The following CFAP20DC variants were observed in gnomAD, a reference collection of about 807,000 sequenced individuals.
The protein encoded by CFAP20DC is protein CFAP20DC.
CFAP20DC carries 84 observed loss-of-function variants against 101.7 expected under a neutral mutation model. The observed-to-expected ratio is 0.83, with a 90% CI of 0.69 to 0.99. The LOEUF (loss-of-function observed/expected upper bound fraction) is 0.99. Ranked by LOEUF, CFAP20DC falls within the 50% of genes least tolerant of loss-of-function variation. CFAP20DC has a pLI of 0.00. For missense variants in CFAP20DC, 1,007 were observed against 970.3 expected (o/e 1.04, Z -0.50); for synonymous variants, 359 against 351.2 (o/e 1.02, Z -0.25).
chr3:58,847,695 C>A (rs71311897), intron 13 of CFAP20DC, among the ~76,000 whole-genome samples: 5,947 of 145,660 alleles, frequency 0.041, 163 homozygotes, highest in Middle Eastern at 0.1. Context: ...ATAAATCATG[C>A]TGCTATAAAG....
chr3:58,727,039 G>T, intron 3 of CFAP20DC: 2 of 251,104 alleles, frequency 8.0e-6, no homozygotes, highest in South Asian at 7.2e-5. Flanking sequence ...CAGAAAAGAT[G>T]AGAAGGACCC....
chr3:58,821,484 G>T (rs1327187251), intron 14 of CFAP20DC, among the ~76,000 whole-genome samples: 3 of 151,910 alleles, frequency 2.0e-5, no homozygotes, highest in Non-Finnish European at 4.4e-5. Flanking sequence ...AGTGGGCAAA[G>T]GACATGAACA....
At chr3:58,737,008 T>C, downstream of CFAP20DC, 1 of 304,172 alleles carries the variant, frequency 3.3e-6, no homozygotes, top group Non-Finnish European at 6.5e-6. The surrounding 1 kb of genome is among the most constrained non-coding windows in gnomAD (Gnocchi z 4.1). Context: ...ATATTCATGA[T>C]GAATGAACTT....
At chr3:59,033,859 G>A (rs754760029) in intron 4 of CFAP20DC, among the ~76,000 whole-genome samples, 1 of 152,254 alleles carries the variant, frequency 6.6e-6, no homozygotes, top group South Asian at 2.1e-4. Flanking sequence ...ACACCACAAA[G>A]ATATTCCTTG....
At chr3:58,804,712 C>T (rs1456259342) in intron 15 of CFAP20DC, among the ~76,000 whole-genome samples, 1 of 152,080 alleles carries the variant, frequency 6.6e-6, no homozygotes, top group Non-Finnish European at 1.5e-5. Flanking sequence ...TTCCAGTTAC[C>T]TTGAAAGCTT....
intron 4 of CFAP20DC, among the ~76,000 whole-genome samples, chr3:58,963,190 T>TTG (rs56234919): frequency 0.2 from 23,705 of 117,914 alleles, 2,431 homozygotes; most frequent in Non-Finnish European, 0.25. Context: ...GTTCAGTAGT[T>TTG]TGTGTGTGTG....
chr3:58,973,290 C>T (rs2092060629), intron 4 of CFAP20DC, among the ~76,000 whole-genome samples: 1 of 152,230 alleles, frequency 6.6e-6, no homozygotes. Context: ...TCCTTACCAA[C>T]ACCACCTCCC....
intron 16 of CFAP20DC, among the ~76,000 whole-genome samples, chr3:58,743,859 A>G (rs1331790131): frequency 1.3e-5 from 2 of 152,106 alleles, no homozygotes; most frequent in Non-Finnish European, 2.9e-5. Flanking sequence ...GGGGGTTTAA[A>G]ACTGTACCAC....
At chr3:58,798,570 A>G (rs368585281) in intron 15 of CFAP20DC, among the ~76,000 whole-genome samples, 1 of 152,348 alleles carries the variant, frequency 6.6e-6, no homozygotes, top group South Asian at 2.1e-4. Flanking sequence ...TATTACATAC[A>G]CTGAGTTGAT....
chr3:58,920,335 C>G (rs1239994129), intron 5 of CFAP20DC, among the ~76,000 whole-genome samples: 1 of 152,042 alleles, frequency 6.6e-6, no homozygotes, highest in Non-Finnish European at 1.5e-5. Flanking sequence ...CTCAAACAAT[C>G]CTCCTGTCTC....
chr3:58,942,703 C>T (rs1487989427), intron 4 of CFAP20DC, among the ~76,000 whole-genome samples: 1 of 152,082 alleles, frequency 6.6e-6, no homozygotes, highest in East Asian at 1.9e-4. Context: ...CCTAGTGGCA[C>T]CTGGAACACC....
chr3:58,749,922 A>G (rs1345043128), intron 16 of CFAP20DC, among the ~76,000 whole-genome samples: 3 of 152,190 alleles, frequency 2.0e-5, no homozygotes, highest in Admixed American at 6.5e-5. Context: ...CATTTTAGTA[A>G]GTGTTAAGGG....
chr3:59,017,557 C>T (rs980497545), intron 4 of CFAP20DC: 2 of 152,106 alleles, frequency 1.3e-5, no homozygotes, highest in Admixed American at 6.5e-5. Flanking sequence ...GGTTCCATCA[C>T]CGAGCTGAGG....
At chr3:58,931,336 G>A (rs927444272) in intron 5 of CFAP20DC, among the ~76,000 whole-genome samples, 26 of 152,202 alleles carry the variant, frequency 1.7e-4, no homozygotes, top group African/African-American at 6.0e-4. Context: ...CTCCACCTTT[G>A]GGGGCAGGGC....
intron 4 of CFAP20DC, among the ~76,000 whole-genome samples, chr3:58,980,339 T>A (rs2092475194): frequency 1.3e-5 from 2 of 152,140 alleles, no homozygotes; most frequent in Non-Finnish European, 2.9e-5. Context: ...GAGGGAATCC[T>A]CCCTAACTCA....
intron 4 of CFAP20DC, chr3:58,992,682 TA>T: frequency 2.7e-6 from 1 of 372,592 alleles, no homozygotes; most frequent in Non-Finnish European, 3.7e-6. Context: ...TTTATAAATT[TA>T]GTACATATTT....
At chr3:58,991,587 A>T (rs1197194128) in intron 4 of CFAP20DC, among the ~76,000 whole-genome samples, 1 of 151,856 alleles carries the variant, frequency 6.6e-6, no homozygotes, top group East Asian at 1.9e-4. Flanking sequence ...GGGTAGGGGG[A>T]AGTTATGGTA....
At chr3:58,967,585 G>A (rs1576521409) in intron 4 of CFAP20DC, among the ~76,000 whole-genome samples, 2 of 152,148 alleles carry the variant, frequency 1.3e-5, no homozygotes, top group East Asian at 3.8e-4. Context: ...CATAGAATGG[G>A]AGGAAATTTT....
intron 14 of CFAP20DC, among the ~76,000 whole-genome samples, chr3:58,814,613 G>A (rs1470470506): frequency 6.6e-6 from 1 of 151,240 alleles, no homozygotes; most frequent in Non-Finnish European, 1.5e-5. Flanking sequence ...AAACCCCATT[G>A]TCTCAGCCCA....
Sources: gnomAD v4.1 joint callset for allele counts (sites outside exome capture counted in the v4.1 genomes callset) on GRCh38, gnomAD v4.1.1 for gene constraint, Gnocchi (gnomAD v3.1) non-coding constraint, MANE v1.5 for transcripts, NCBI Gene and HGNC (gene_info 2026-07-23, HGNC 2026-07-21) for gene names.